The following GRIP1 variants were observed in gnomAD, a reference collection of about 807,000 sequenced individuals.
GRIP1 encodes the protein glutamate receptor interacting protein 1.
Under a neutral mutation model 129.9 loss-of-function variants are expected in GRIP1, and 45 were observed. That is an observed-to-expected ratio of 0.35 (90% CI 0.27 to 0.44). GRIP1 has a LOEUF of 0.44. Among genes scored for constraint, GRIP1 ranks in the 20% least tolerant of loss-of-function variants. The pLI is 1.00. For synonymous variants in GRIP1, 530 were observed against 520.8 expected, an observed-to-expected ratio of 1.02 and a Z score of -0.24; for missense variants, 1,196 against 1,396.8, an observed-to-expected ratio of 0.86 and a Z score of 2.29.
At chr12:66,565,786 C>A (rs1177199835) in intron 2 of GRIP1, among the ~76,000 whole-genome samples, 2 of 152,096 alleles carry the variant, frequency 1.3e-5, no homozygotes, top group African/African-American at 4.8e-5. Flanking sequence ...TTGTTTGTGT[C>A]CTCTTTTATT....
chr12:66,765,363 C>T (rs766117650), intron 1 of GRIP1, among the ~76,000 whole-genome samples: 1 of 152,204 alleles, frequency 6.6e-6, no homozygotes, highest in Non-Finnish European at 1.5e-5. Context: ...GATGTCAAAG[C>T]TCTCATCTTC....
At chr12:66,929,389 A>G (rs2041349734) in intron 1 of GRIP1, among the ~76,000 whole-genome samples, 1 of 152,210 alleles carries the variant, frequency 6.6e-6, no homozygotes, top group African/African-American at 2.4e-5. Context: ...TTCACAAGAC[A>G]TATCATGATA....
At chr12:66,683,003 C>A (rs865777814), upstream of GRIP1, among the ~76,000 whole-genome samples, 2 of 152,094 alleles carry the variant, frequency 1.3e-5, no homozygotes, top group Admixed American at 1.3e-4. Context: ...ATTTAAACAG[C>A]ATGGAACATC....
chr12:67,055,393 TGGCCACAG>T (rs924755861), intron 1 of GRIP1, among the ~76,000 whole-genome samples: 8 of 145,792 alleles, frequency 5.5e-5, no homozygotes, highest in African/African-American at 2.3e-4. Context: ...ACAGACTATA[TGGCCACAG>T]GTGAAGCAGA....
intron 1 of GRIP1, among the ~76,000 whole-genome samples, chr12:66,696,454 A>T (rs1396721472): frequency 3.9e-5 from 6 of 152,126 alleles, no homozygotes; most frequent in Non-Finnish European, 4.4e-5. Flanking sequence ...AGTTAGAGAA[A>T]GGTGGAACAT....
At chr12:67,016,157 T>C (rs1431194715) in intron 1 of GRIP1, among the ~76,000 whole-genome samples, 1 of 152,220 alleles carries the variant, frequency 6.6e-6, no homozygotes. Flanking sequence ...AAAAACACTC[T>C]GCTTCATAGC....
chr12:66,742,409 C>T (rs1052683947), intron 1 of GRIP1, among the ~76,000 whole-genome samples: 1 of 152,110 alleles, frequency 6.6e-6, no homozygotes, highest in African/African-American at 2.4e-5. Context: ...GCAGCTATGC[C>T]ACCCACAAGG....
intron 1 of GRIP1, among the ~76,000 whole-genome samples, chr12:66,878,419 G>A (rs924141776): frequency 6.6e-5 from 10 of 152,072 alleles, no homozygotes; most frequent in South Asian, 4.2e-4. Context: ...GAGTGTGAGA[G>A]GGGAGGTACT....
chr12:67,052,049 A>C (rs974115136), intron 1 of GRIP1, among the ~76,000 whole-genome samples: 3 of 152,226 alleles, frequency 2.0e-5, no homozygotes, highest in Non-Finnish European at 4.4e-5. Context: ...ATGGAGGCAT[A>C]TTCTTTAAAA....
At chr12:67,009,471 A>C (rs1260047571) in intron 1 of GRIP1, among the ~76,000 whole-genome samples, 2 of 152,158 alleles carry the variant, frequency 1.3e-5, no homozygotes, top group Non-Finnish European at 2.9e-5. Flanking sequence ...TTAGGAATAA[A>C]ATTTTATCTA....
At chr12:66,572,683 C>T (rs1378214476) in intron 2 of GRIP1, among the ~76,000 whole-genome samples, 2 of 152,162 alleles carry the variant, frequency 1.3e-5, no homozygotes, top group Non-Finnish European at 2.9e-5. Flanking sequence ...CGCCTATTTC[C>T]ATTTGGTTTT....
chr12:66,509,114 T>C (rs1414699365), intron 7 of GRIP1, among the ~76,000 whole-genome samples: 3 of 152,212 alleles, frequency 2.0e-5, no homozygotes, highest in South Asian at 2.1e-4. Flanking sequence ...GATGAACTTA[T>C]AGAAAATAAA....
At chr12:66,478,320 A>G (rs1353235717) in intron 7 of GRIP1, among the ~76,000 whole-genome samples, 3 of 152,254 alleles carry the variant, frequency 2.0e-5, no homozygotes, top group Non-Finnish European at 4.4e-5. Context: ...ATTCAAAACC[A>G]CAATGAGATA....
At chr12:66,818,420 A>G (rs1566037805) in intron 1 of GRIP1, among the ~76,000 whole-genome samples, 1 of 152,198 alleles carries the variant, frequency 6.6e-6, no homozygotes, top group Non-Finnish European at 1.5e-5. Flanking sequence ...GAAGTAACAA[A>G]TGAATTCATC....
chr12:66,701,190 T>C (rs1015649095), intron 1 of GRIP1, among the ~76,000 whole-genome samples: 2 of 152,152 alleles, frequency 1.3e-5, no homozygotes, highest in Non-Finnish European at 2.9e-5. Flanking sequence ...CTTTCCCCTA[T>C]CACTTGAATT....
intron 1 of GRIP1, among the ~76,000 whole-genome samples, chr12:66,723,702 A>G (rs2036167689): frequency 6.6e-6 from 1 of 152,140 alleles, no homozygotes; most frequent in Non-Finnish European, 1.5e-5. Flanking sequence ...CTGTAAAGCA[A>G]CACCATAGCA....
chr12:66,896,480 G>GAA (rs5798843), intron 1 of GRIP1, among the ~76,000 whole-genome samples: 12,146 of 107,700 alleles, frequency 0.11, 894 homozygotes, highest in East Asian at 0.34. Context: ...TGAGGAATTT[G>GAA]AAAAAAAAAA....
At chr12:66,985,261 C>T (rs1465834915) in intron 1 of GRIP1, among the ~76,000 whole-genome samples, 1 of 150,884 alleles carries the variant, frequency 6.6e-6, no homozygotes, top group Non-Finnish European at 1.5e-5. Flanking sequence ...GGCATAGGCC[C>T]AACCAATCGA....
At chr12:66,936,418 C>G (rs1199347466) in intron 1 of GRIP1, among the ~76,000 whole-genome samples, 1 of 136,002 alleles carries the variant, frequency 7.4e-6, no homozygotes, top group Non-Finnish European at 1.5e-5. Flanking sequence ...AGAGCAAGAC[C>G]CTGTCTCCAA....
Sources: gnomAD v4.1 joint callset for allele counts (sites outside exome capture counted in the v4.1 genomes callset) on GRCh38, gnomAD v4.1.1 for gene constraint, MANE v1.5 for transcripts, NCBI Gene and HGNC (gene_info 2026-07-23, HGNC 2026-07-21) for gene names.